NTM: variants seen among roughly 807,000 people sequenced by gnomAD.
The protein encoded by NTM is neurotrimin, also known as IgLON family member 2.
In NTM, 13 loss-of-function variants were observed where a neutral mutation model predicts 42.1. That is an observed-to-expected ratio of 0.31 (90% confidence interval 0.20 to 0.49). The LOEUF is 0.49. Ranked by LOEUF, NTM falls within the 20% of genes least tolerant of loss-of-function variation. The probability of loss-of-function intolerance (pLI) is 0.99; values close to 1 mark genes in which losing one functional copy is unlikely to be tolerated. For synonymous variants in NTM, 187 were observed against 179.2 expected, an observed-to-expected ratio of 1.04 and a Z score of -0.35; for missense variants, 373 against 452.8, an observed-to-expected ratio of 0.82 and a Z score of 1.60.
chr11:132,007,758 A>G (rs2071142884), intron 2 of NTM, among the ~76,000 whole-genome samples: 1 of 152,208 alleles, frequency 6.6e-6, no homozygotes, highest in Non-Finnish European at 1.5e-5. Flanking sequence ...AATTCAGAGC[A>G]TCAAACATAG....
chr11:131,402,936 A>G (rs192124841), intron 1 of NTM, among the ~76,000 whole-genome samples: 1 of 152,228 alleles, frequency 6.6e-6, no homozygotes, highest in Non-Finnish European at 1.5e-5. Flanking sequence ...TAAATTTCAC[A>G]ATTAAAATAA....
intron 1 of NTM, among the ~76,000 whole-genome samples, chr11:131,521,458 T>TGCAGTG (rs1489339645): frequency 9.1e-6 from 1 of 109,704 alleles, no homozygotes; most frequent in East Asian, 3.2e-4. Flanking sequence ...CAGGCTGGAG[T>TGCAGTG]GCAGTGGCGG....
chr11:132,314,019 A>G (rs2095355903), intron 6 of NTM, among the ~76,000 whole-genome samples: 1 of 152,190 alleles, frequency 6.6e-6, no homozygotes, highest in Admixed American at 6.5e-5. Flanking sequence ...CTTCATAGCC[A>G]AAAAATTAAG....
intron 1 of NTM, among the ~76,000 whole-genome samples, chr11:131,677,482 TG>T (rs1458624043): frequency 2.0e-5 from 3 of 152,114 alleles, no homozygotes; most frequent in African/African-American, 4.8e-5. Context: ...AGGAAAACTA[TG>T]GGGAAAGATG....
chr11:131,609,785 C>T (rs752731970), intron 1 of NTM, among the ~76,000 whole-genome samples: 1 of 152,206 alleles, frequency 6.6e-6, no homozygotes, highest in Non-Finnish European at 1.5e-5. Context: ...TCTACCCAGT[C>T]CCTAGTTCAC....
chr11:131,543,748 C>G (rs2053578072), intron 1 of NTM, among the ~76,000 whole-genome samples: 1 of 152,202 alleles, frequency 6.6e-6, no homozygotes. Context: ...TCAGCTGGTG[C>G]CCGTAGCCCT....
chr11:131,526,980 C>A (rs372865505), intron 1 of NTM, among the ~76,000 whole-genome samples: 1 of 152,138 alleles, frequency 6.6e-6, no homozygotes, highest in Non-Finnish European at 1.5e-5. Context: ...TCATACTGTC[C>A]CCCCATGTTG....
rs1177600890 is a variant in NTM at position 131,741,929 on chromosome 11, A to C, written c.83-169635A>C. Among the ~76,000 whole-genome samples, 35 of 152,214 alleles carry C rather than the reference A, an allele frequency of 2.3e-4. 1 individual carries two copies. Among genetic ancestry groups the C allele is most frequent in the Non-Finnish European group, 4.4e-5 (3 of 68,040 alleles). On this transcript the variant is annotated intron_variant, in intron 1 of 8. Transcript: ENST00000683400. ...CTGAGATCATGTCCTTTGCCGGACC[A>C]TCAATGGAGCTGGAGGCCATTATCC...
At chr11:132,155,734 T>C (rs1301294120) in intron 3 of NTM, among the ~76,000 whole-genome samples, 1 of 152,256 alleles carries the variant, frequency 6.6e-6, no homozygotes, top group Non-Finnish European at 1.5e-5. Flanking sequence ...GGCCAAGCCA[T>C]TTCTTCCTAC....
rs1565552714 is a variant in NTM, at chr11:131,789,613, GA to G, written c.83-121949del. On this transcript the variant is annotated intron_variant, in intron 1 of 8. Transcript: ENST00000683400. ...AGAAGAAGAAGAAGAAGAAGAAGAA[GA>G]AGAAGAAGAAGAAGAAGAAGAAAAG... 1.2e-4 allele frequency among the ~76,000 whole-genome samples: 10 copies of G among 84,548 alleles called. 3 individuals carry two copies. Among genetic ancestry groups the G allele is most frequent in the Non-Finnish European group, 1.6e-4 (7 of 42,756 alleles). 55.5% of individuals were successfully genotyped at this position (84,548 alleles called of 152,430 possible).
At chr11:131,518,848 G>A (rs1454000269) in intron 1 of NTM, among the ~76,000 whole-genome samples, 1 of 152,138 alleles carries the variant, frequency 6.6e-6, no homozygotes, top group Non-Finnish European at 1.5e-5. Flanking sequence ...ACAAATATAT[G>A]GCTGTTTCCA....
At chr11:132,309,418 T>C (rs2095209294) in intron 5 of NTM, among the ~76,000 whole-genome samples, 1 of 152,172 alleles carries the variant, frequency 6.6e-6, no homozygotes, top group African/African-American at 2.4e-5. Flanking sequence ...GGGAATTGAA[T>C]AGTTCGAGGT....
intron 1 of NTM, among the ~76,000 whole-genome samples, chr11:131,634,659 G>T: frequency 6.6e-6 from 1 of 150,998 alleles, no homozygotes; most frequent in African/African-American, 2.4e-5. Context: ...AAAAAAGAGT[G>T]AGCTTCTTTA....
chr11:131,978,222 G>A (rs1260392153), intron 2 of NTM, among the ~76,000 whole-genome samples: 2 of 152,152 alleles, frequency 1.3e-5, no homozygotes, highest in African/African-American at 2.4e-5. Flanking sequence ...TGGAACAATA[G>A]CATTGGCTAG....
chr11:132,286,673 G>A (rs984650819), intron 4 of NTM, among the ~76,000 whole-genome samples: 24 of 152,288 alleles, frequency 1.6e-4, no homozygotes, highest in Middle Eastern at 3.4e-3. Context: ...ATATGCATGA[G>A]CCCACCAGAA....
At chr11:131,779,592 C>A (rs529793649) in intron 1 of NTM, among the ~76,000 whole-genome samples, 144 of 152,156 alleles carry the variant, frequency 9.5e-4, no homozygotes, top group African/African-American at 3.3e-3. Flanking sequence ...AAGAAAGTAT[C>A]ACATGTGCTC....
intron 7 of NTM, among the ~76,000 whole-genome samples, chr11:132,317,402 A>C (rs2095457446): frequency 6.6e-6 from 1 of 152,154 alleles, no homozygotes; most frequent in Non-Finnish European, 1.5e-5. Context: ...ACTGCACCAG[A>C]ATATGTATGG....
intron 1 of NTM, among the ~76,000 whole-genome samples, chr11:131,742,530 G>A (rs2135592238): frequency 6.6e-6 from 1 of 151,798 alleles, no homozygotes; most frequent in East Asian, 1.9e-4. Flanking sequence ...TTTTTCTATT[G>A]GACTGGAAAA....
intron 1 of NTM, among the ~76,000 whole-genome samples, chr11:131,669,599 A>T (rs1246321330): frequency 6.6e-6 from 1 of 152,080 alleles, no homozygotes; most frequent in African/African-American, 2.4e-5. Context: ...TCACTCAGCA[A>T]TTCAGCGGTG....
Sources: gnomAD v4.1 joint callset for allele counts (sites outside exome capture counted in the v4.1 genomes callset) on GRCh38, gnomAD v4.1.1 for gene constraint, MANE v1.5 for transcripts, NCBI Gene and HGNC (gene_info 2026-07-23, HGNC 2026-07-21) for gene names.